The following WDPCP variants were observed in gnomAD, a reference collection of about 807,000 sequenced individuals.
The protein encoded by WDPCP is WD repeat-containing and planar cell polarity effector protein fritz homolog.
In WDPCP, 71 loss-of-function variants were observed where a neutral mutation model predicts 93.1. That is an observed-to-expected ratio of 0.76 (90% confidence interval 0.63 to 0.93). WDPCP has a LOEUF of 0.93. Ranked by LOEUF, WDPCP falls within the 40% of genes least tolerant of loss-of-function variation. The pLI is 0.00. For missense variants in WDPCP, 844 were observed against 887.4 expected (o/e 0.95, Z 0.62); for synonymous variants, 315 against 315.0 (o/e 1.00, Z 0.00).
chr2:63,739,922 T>C (rs1403973237), intron 2 of WDPCP, among the ~76,000 whole-genome samples: 1 of 152,040 alleles, frequency 6.6e-6, no homozygotes, highest in East Asian at 1.9e-4. Flanking sequence ...CACTATTTAA[T>C]GGGTTTTTGT....
chr2:63,323,086 C>T (rs749443387), intron 12 of WDPCP, among the ~76,000 whole-genome samples: 2 of 152,340 alleles, frequency 1.3e-5, no homozygotes, highest in African/African-American at 2.4e-5. Context: ...GAGAGGAAAG[C>T]CATTCAGCTC....
At chr2:63,378,561 A>G (rs1287551571) in intron 11 of WDPCP, 52 bp from the exon 12 acceptor site, 1 of 1,611,132 alleles carries the variant, frequency 6.2e-7, no homozygotes. Context: ...TCCTTCAATT[A>G]CAACAAAATA....
At chr2:63,704,264 C>A (rs1669111121) in intron 2 of WDPCP, among the ~76,000 whole-genome samples, 1 of 152,150 alleles carries the variant, frequency 6.6e-6, no homozygotes, top group African/African-American at 2.4e-5. Flanking sequence ...ATTTGACTTC[C>A]TCTTTTCCTA....
At chr2:63,541,593 G>C (rs1264852408) in intron 1 of WDPCP, among the ~76,000 whole-genome samples, 6 of 152,000 alleles carry the variant, frequency 3.9e-5, no homozygotes, top group Non-Finnish European at 8.8e-5. Flanking sequence ...TTGCCCGTTT[G>C]TTATTAAACC....
At chr2:63,605,206 G>A (rs951335465) in intron 3 of WDPCP, 2 of 982,254 alleles carry the variant, frequency 2.0e-6, no homozygotes, top group African/African-American at 1.6e-5. Flanking sequence ...TCACCCCAAG[G>A]TCGACTTGGA....
intron 1 of WDPCP, among the ~76,000 whole-genome samples, chr2:63,559,545 G>T (rs1182494994): frequency 2.0e-5 from 3 of 152,102 alleles, no homozygotes; most frequent in Non-Finnish European, 2.9e-5. Context: ...GCCCAAAAGT[G>T]TCTTAGGCTG....
chr2:63,279,755 G>T (rs1208959795), intron 13 of WDPCP, among the ~76,000 whole-genome samples: 4 of 152,114 alleles, frequency 2.6e-5, no homozygotes, highest in African/African-American at 9.7e-5. Context: ...AATGAATTCA[G>T]CAAGGTTTCA....
intron 2 of WDPCP, among the ~76,000 whole-genome samples, chr2:63,756,692 A>C (rs1023817619): frequency 6.6e-6 from 1 of 152,210 alleles, no homozygotes; most frequent in Non-Finnish European, 1.5e-5. Flanking sequence ...TCCTCATATA[A>C]AAACAAATAC....
intron 2 of WDPCP, among the ~76,000 whole-genome samples, chr2:63,718,838 A>G (rs1480745918): frequency 6.6e-6 from 1 of 152,220 alleles, no homozygotes; most frequent in African/African-American, 2.4e-5. Flanking sequence ...ATGCTAGGTA[A>G]ATACAAACCA....
intron 1 of WDPCP, among the ~76,000 whole-genome samples, chr2:63,507,754 C>G (rs1188702669): frequency 6.6e-6 from 1 of 151,946 alleles, no homozygotes; most frequent in African/African-American, 2.4e-5. Flanking sequence ...CCTGATGGAG[C>G]TGAAAAACAC....
chr2:63,621,523 T>C (rs940563794), intron 3 of WDPCP, among the ~76,000 whole-genome samples: 5 of 152,068 alleles, frequency 3.3e-5, no homozygotes, highest in African/African-American at 9.7e-5. Flanking sequence ...TACGGGACTA[T>C]GTAAAATGAC....
rs181666653 is a variant in WDPCP, at chr2:63,818,906, T to C, written n.223-5199A>G. On this transcript the variant is annotated intron_variant and non_coding_transcript_variant, in intron 1 of 4. Coordinates refer to the WDPCP transcript ENST00000467687. ...CAATGTTCTATTTTGCCCTAAGTGG[T>C]GGCGATTATATGGGTGCTGGCTGTG... 7.9e-5 allele frequency among the ~76,000 whole-genome samples: 12 copies of C among 152,296 alleles called. No homozygotes were observed. In the East Asian group the frequency reaches 1.5e-3, roughly 20 times the overall value.
chr2:63,747,877 C>T (rs778450771), intron 2 of WDPCP, among the ~76,000 whole-genome samples: 20 of 151,888 alleles, frequency 1.3e-4, no homozygotes, highest in Admixed American at 5.9e-4. Flanking sequence ...CAACAGATAT[C>T]TTTATAATAT....
chr2:63,273,019 T>C (rs551479213), intron 13 of WDPCP, among the ~76,000 whole-genome samples: 42 of 152,140 alleles, frequency 2.8e-4, no homozygotes, highest in African/African-American at 9.6e-4. Context: ...AAGTCACATA[T>C]AAGGGAATCC....
At chr2:63,253,402 A>C (rs79556790) in intron 14 of WDPCP, among the ~76,000 whole-genome samples, 1,535 of 152,260 alleles carry the variant, frequency 0.01, 12 homozygotes, top group Non-Finnish European at 0.015. Flanking sequence ...GGCCCAATTA[A>C]ACCAAAGAGC....
chr2:63,638,372 ATGAT>A (rs1331229578), intron 3 of WDPCP, among the ~76,000 whole-genome samples: 3 of 152,076 alleles, frequency 2.0e-5, no homozygotes, highest in Admixed American at 2.0e-4. Context: ...ATGTGAGGCG[ATGAT>A]TATGTTAATT....
Position 63,121,195 on chromosome 2 carries a change from CAG to C in WDPCP, c.*809_*810del, listed in dbSNP as rs1280634005. 6.6e-6 allele frequency among the ~76,000 whole-genome samples: 1 copy of C among 151,900 alleles called. No individual in the cohort carries two copies. Among genetic ancestry groups the C allele is most frequent in the African/African-American group, 2.4e-5 (1 of 41,358 alleles). On this transcript the variant is annotated 3_prime_UTR_variant, in exon 18 of 18. Coordinates refer to ENST00000272321, the MANE Select transcript of WDPCP (RefSeq NM_015910.7). ...GCCTGCCCCTTTCTCCAGAGGGAAA[CAG>C]TATCTGTGTTCTAAGGGGCAGTCAG...
intron 13 of WDPCP, among the ~76,000 whole-genome samples, chr2:63,265,579 C>CCAAA (rs2104816011): frequency 6.6e-6 from 1 of 152,136 alleles, no homozygotes; most frequent in East Asian, 1.9e-4. Flanking sequence ...CTGAATTATA[C>CCAAA]CAAACACTGA....
chr2:63,431,500 G>A (rs1204611539), intron 9 of WDPCP, among the ~76,000 whole-genome samples: 2 of 150,652 alleles, frequency 1.3e-5, no homozygotes, highest in African/African-American at 2.4e-5. Context: ...GGGTTTAAGA[G>A]CATATTGTAT....
Sources: gnomAD v4.1 joint callset for allele counts (sites outside exome capture counted in the v4.1 genomes callset) on GRCh38, gnomAD v4.1.1 for gene constraint, MANE v1.5 for transcripts, NCBI Gene and HGNC (gene_info 2026-07-23, HGNC 2026-07-21) for gene names.